PDE4DIP: variants seen among roughly 807,000 people sequenced by gnomAD.
The protein encoded by PDE4DIP is myomegalin.
In PDE4DIP, 59 loss-of-function variants were observed where a neutral mutation model predicts 221.4. The ratio of observed to expected loss-of-function variants is 0.27; its 90% confidence interval spans 0.22 to 0.33. PDE4DIP has a LOEUF of 0.33. PDE4DIP is among the 10% of genes least tolerant of loss of function. The pLI is 1.00. For synonymous variants in PDE4DIP, 404 were observed against 815.9 expected (o/e 0.50, Z 8.60); for missense variants, 1,036 against 2,154.2 (o/e 0.48, Z 10.28).
chr1:148,827,719 G>A (rs1553366281), intron 1 of PDE4DIP, among the ~76,000 whole-genome samples: 1 of 120,412 alleles, frequency 8.3e-6, no homozygotes, highest in Middle Eastern at 4.0e-3. Context: ...GTGTGTGTGT[G>A]TGTGTGTAAA....
intron 24 of PDE4DIP, among the ~76,000 whole-genome samples, chr1:149,002,621 C>T (rs2065923808): frequency 6.6e-6 from 1 of 152,044 alleles, no homozygotes; most frequent in South Asian, 2.1e-4. Flanking sequence ...CCTGAGAGCT[C>T]CTCTGTAGAC....
chr1:149,032,141 A>G, exon 44 of PDE4DIP: 19 of 1,433,490 alleles, frequency 1.3e-5, no homozygotes, highest in Non-Finnish European at 1.8e-5. Flanking sequence ...CAGAAGAGGG[A>G]GTCAGAGATG....
In PDE4DIP at chr1:148,968,861, A is replaced by C. The variant is rs782678400; in HGVS notation, c.1811A>C (p.Lys604Thr). 3.7e-6 allele frequency: 6 copies of C among 1,613,068 alleles called. No homozygotes were observed. In the African/African-American group the frequency reaches 4.0e-5, roughly 11 times the overall value. The change falls in exon 14 of 44, where the codon AAA becomes ACA. Residue 604 changes from lysine to threonine, a missense_variant. By Grantham distance (78) the Lys-to-Thr change is moderately conservative. Transcript: ENST00000369354. ...GATCTTAGTGCAACACTGCTCTGCA[A>C]ACTTGGACCAGGGCAGAGTGAGATA...
Position 148,969,036 on chromosome 1 carries a change from G to A in PDE4DIP, c.1980+6G>A, listed in dbSNP as rs782074544. ...CCAGGGAGCAGGAAAGCCAAGTAAG[G>A]ATTAATGCACAGATCAGACAAGTGT... is the stretch of plus-strand genomic sequence containing the variant. On this transcript the variant is annotated splice_donor_region_variant and intron_variant, in intron 14 of 43. Coordinates refer to ENST00000369354, the Ensembl canonical transcript of PDE4DIP. The A allele has an allele frequency of 6.2e-7, 1 of 1,600,242 alleles. No homozygotes were observed. The highest frequency in any genetic ancestry group is 1.3e-5 in the African/African-American group (1 of 74,958).
chr1:148,823,871 C>G (rs1427927452), intron 1 of PDE4DIP, among the ~76,000 whole-genome samples: 2 of 150,692 alleles, frequency 1.3e-5, no homozygotes, highest in Non-Finnish European at 3.0e-5. Context: ...TGGGAAAGGT[C>G]CTACTTATCA....
intron 5 of PDE4DIP, among the ~76,000 whole-genome samples, chr1:148,949,429 G>C (rs1553485913): frequency 6.9e-6 from 1 of 144,444 alleles, no homozygotes; most frequent in African/African-American, 2.5e-5. Context: ...CCTGACATTA[G>C]TGTGTTAAAT....
intron 21 of PDE4DIP, chr1:148,983,603 A>C (rs1387633916): frequency 2.0e-5 from 3 of 152,510 alleles, no homozygotes; most frequent in Admixed American, 6.5e-5. Flanking sequence ...TAAATTTTAT[A>C]ATCCACACAG....
intron 3 of PDE4DIP, among the ~76,000 whole-genome samples, chr1:148,876,964 A>G (rs1691669455): frequency 7.0e-6 from 1 of 142,426 alleles, no homozygotes; most frequent in African/African-American, 3.0e-5. Flanking sequence ...CAGTGAGCCG[A>G]GATTGCCACT....
At chr1:148,866,617 G>T (rs1434876081) in intron 2 of PDE4DIP, 165 of 39,898 alleles carry the variant, frequency 4.1e-3, no homozygotes, top group African/African-American at 0.018. Flanking sequence ...AGGGAGGGAG[G>T]GAGGGAGGGA....
At chr1:149,028,190 T>G (rs2075722617) in intron 40 of PDE4DIP, among the ~76,000 whole-genome samples, 1 of 151,522 alleles carries the variant, frequency 6.6e-6, no homozygotes, top group Non-Finnish European at 1.5e-5. Flanking sequence ...GCCCCCACAC[T>G]AGAGGGCAAG....
intron 1 of PDE4DIP, among the ~76,000 whole-genome samples, chr1:148,905,178 G>GTTTTTTTTTTT (rs56687289): frequency 1.1e-5 from 1 of 94,508 alleles, no homozygotes; most frequent in African/African-American, 4.3e-5. Context: ...TCTCTTCTAG[G>GTTTTTTTTTTT]TTTTTTTTTT....
intron 37 of PDE4DIP, 108 bp from the exon 41 acceptor site, chr1:149,024,337 G>C: frequency 1.3e-6 from 1 of 794,354 alleles, no homozygotes; most frequent in Non-Finnish European, 2.1e-6. Context: ...GGTTGCATGA[G>C]ACTCAGATGA....
At position 149,005,131 on chromosome 1, in the gene PDE4DIP, AGGTCATT is replaced by A; in HGVS notation, c.4110_4116del (p.Lys1370AsnfsTer27). On this transcript the variant is annotated frameshift_variant, in exon 27 of 44. Transcript: ENST00000369354. LOFTEE classifies it high-confidence loss of function. ...AAGGCCCAGCTGCAGAATGCCAACA[AGGTCATT>A]CAAAACCTCAAGAGCCGGGTCCGGT... The A allele has an allele frequency of 6.2e-7, 1 of 1,614,060 alleles. No individual in the cohort carries two copies. Among genetic ancestry groups the A allele is most frequent in the East Asian group, 2.2e-5 (1 of 44,884 alleles).
chr1:148,976,384 C>G (rs1380486712), intron 17 of PDE4DIP, among the ~76,000 whole-genome samples: 1 of 152,188 alleles, frequency 6.6e-6, no homozygotes, highest in Non-Finnish European at 1.5e-5. Context: ...TACTAGCCAG[C>G]CCTGTGATTT....
intron 23 of PDE4DIP, among the ~76,000 whole-genome samples, chr1:149,000,301 T>C (rs1312172541): frequency 7.2e-5 from 11 of 152,184 alleles, no homozygotes; most frequent in Middle Eastern, 3.2e-3. Context: ...ATGCCTGTAA[T>C]CTCAACACTT....
At chr1:148,915,089 G>A in intron 1 of PDE4DIP, among the ~76,000 whole-genome samples, 1 of 150,268 alleles carries the variant, frequency 6.7e-6, no homozygotes, top group African/African-American at 2.5e-5. Context: ...ATGTGTAGAT[G>A]GATTGATATG....
At chr1:148,927,582 G>A (rs2046996265) in intron 1 of PDE4DIP, among the ~76,000 whole-genome samples, 1 of 151,862 alleles carries the variant, frequency 6.6e-6, no homozygotes, top group Admixed American at 6.6e-5. Context: ...TCTAGGTGTT[G>A]GTGGTTATTA....
At chr1:148,983,293 C>A (rs1466696243) in intron 21 of PDE4DIP, 6 of 152,028 alleles carry the variant, frequency 3.9e-5, no homozygotes, top group African/African-American at 1.4e-4. Flanking sequence ...ACCAAGGAAG[C>A]CTTCTGAATC....
At chr1:148,949,610 T>G (rs2052641279) in intron 5 of PDE4DIP, among the ~76,000 whole-genome samples, 1 of 152,214 alleles carries the variant, frequency 6.6e-6, no homozygotes, top group Non-Finnish European at 1.5e-5. Context: ...TGCAAACTCT[T>G]GACCACAAGA....
Sources: allele counts gnomAD v4.1 joint callset (sites outside exome capture counted in the v4.1 genomes callset), GRCh38; gene constraint gnomAD v4.1.1; transcripts MANE v1.5; gene names NCBI Gene and HGNC (gene_info 2026-07-23, HGNC 2026-07-21).